Variants in SGCZ observed in about 807,000 individuals in gnomAD.
The protein encoded by SGCZ is zeta-sarcoglycan.
Under a neutral mutation model 41.3 loss-of-function variants are expected in SGCZ, and 40 were observed. That is an observed-to-expected ratio of 0.97 (90% CI 0.75 to 1.26). The LOEUF is 1.26. Ranked by LOEUF, SGCZ falls within the 50% of genes most tolerant of loss-of-function variation. The pLI, the probability that SGCZ is intolerant of heterozygous loss-of-function variation, is 0.00. For missense variants in SGCZ, 552 were observed against 369.8 expected (o/e 1.49, Z -4.04); for synonymous variants, 206 against 137.5 (o/e 1.50, Z -3.49).
intron 1 of SGCZ, among the ~76,000 whole-genome samples, chr8:14,740,208 A>C (rs1179510818): frequency 6.6e-6 from 1 of 152,026 alleles, no homozygotes; most frequent in Non-Finnish European, 1.5e-5. Context: ...ATAAAAGTTT[A>C]TTCCAAATCA....
At chr8:14,891,896 G>T (rs770961451) in intron 1 of SGCZ, among the ~76,000 whole-genome samples, 2 of 152,122 alleles carry the variant, frequency 1.3e-5, no homozygotes, top group African/African-American at 4.8e-5. Context: ...GGCTCAGATG[G>T]TCATTAGCAA....
rs760150015 is a variant in SGCZ, at chr8:14,086,634, A to G, written c.*3809T>C. ...AACAGTCATTTTGAATAAGATCCAA[A>G]TGCATTATTTTCCTTTTTAACGTCA... On this transcript the variant is annotated 3_prime_UTR_variant, in exon 8 of 8. Coordinates refer to ENST00000382080, the MANE Select transcript of SGCZ (RefSeq NM_139167.4). 1.5e-4 allele frequency among the ~76,000 whole-genome samples: 23 copies of G among 151,736 alleles called. No individual in the cohort carries two copies. Among genetic ancestry groups the G allele is most frequent in the Non-Finnish European group, 2.7e-4 (18 of 67,766 alleles).
chr8:14,278,946 C>A (rs370817028), intron 3 of SGCZ, among the ~76,000 whole-genome samples: 62 of 152,210 alleles, frequency 4.1e-4, no homozygotes, highest in African/African-American at 1.5e-3. Context: ...GCCTACAAGG[C>A]CATGTATCTC....
At chr8:14,833,086 A>T (rs1355450912) in intron 1 of SGCZ, among the ~76,000 whole-genome samples, 2 of 152,078 alleles carry the variant, frequency 1.3e-5, no homozygotes, top group African/African-American at 4.8e-5. Flanking sequence ...CTAAAACATG[A>T]ATTATTGGTA....
chr8:14,770,073 T>C (rs78068935), intron 1 of SGCZ, among the ~76,000 whole-genome samples: 1 of 150,752 alleles, frequency 6.6e-6, no homozygotes, highest in Non-Finnish European at 1.5e-5. Context: ...ATGCCCCAAT[T>C]TGTTTTTTCA....
At chr8:14,152,064 T>C (rs7825381) in intron 5 of SGCZ, among the ~76,000 whole-genome samples, 57,502 of 151,868 alleles carry the variant, frequency 0.38, 11,294 homozygotes, top group Middle Eastern at 0.49. Flanking sequence ...ACAATTCATT[T>C]AAAAAAATAG....
chr8:14,384,617 T>C (rs995688159), intron 2 of SGCZ, among the ~76,000 whole-genome samples: 2 of 152,222 alleles, frequency 1.3e-5, no homozygotes, highest in African/African-American at 4.8e-5. Context: ...TGGAGTGCAA[T>C]GGCACCATCT....
chr8:14,160,697 G>T (rs1342154530), intron 5 of SGCZ, among the ~76,000 whole-genome samples: 1 of 152,130 alleles, frequency 6.6e-6, no homozygotes, highest in Admixed American at 6.6e-5. Flanking sequence ...AGATGGTGGT[G>T]TTCAGGTATG....
intron 1 of SGCZ, among the ~76,000 whole-genome samples, chr8:14,565,352 T>G (rs1440571400): frequency 1.3e-5 from 2 of 152,106 alleles, no homozygotes; most frequent in Non-Finnish European, 2.9e-5. Context: ...AGGTTTACAT[T>G]TGGGCTTTTA....
intron 1 of SGCZ, among the ~76,000 whole-genome samples, chr8:14,984,895 T>C (rs1801780300): frequency 6.6e-6 from 1 of 151,552 alleles, no homozygotes; most frequent in Non-Finnish European, 1.5e-5. Context: ...GATTTTGATA[T>C]TCTGGAGTAC....
chr8:15,153,590 G>C (rs1477949742), intron 1 of SGCZ, among the ~76,000 whole-genome samples: 2 of 152,048 alleles, frequency 1.3e-5, no homozygotes, highest in Admixed American at 6.6e-5. Flanking sequence ...TGAAAGGCTT[G>C]GACTATCTCC....
chr8:14,693,562 G>A (rs186309174), intron 1 of SGCZ, among the ~76,000 whole-genome samples: 1 of 145,240 alleles, frequency 6.9e-6, no homozygotes, highest in African/African-American at 2.6e-5. Flanking sequence ...GGGATTACAG[G>A]CGTCAGCTAC....
intron 2 of SGCZ, among the ~76,000 whole-genome samples, chr8:14,550,274 T>C (rs965962961): frequency 1.5e-4 from 23 of 151,488 alleles, no homozygotes; most frequent in Non-Finnish European, 2.9e-4. Context: ...AACAATATAA[T>C]GGTTGAATTG....
intron 1 of SGCZ, among the ~76,000 whole-genome samples, chr8:14,822,097 C>T (rs1013984270): frequency 6.6e-6 from 1 of 151,872 alleles, no homozygotes; most frequent in African/African-American, 2.4e-5. Flanking sequence ...CACACACACA[C>T]ACACACACAC....
intron 1 of SGCZ, among the ~76,000 whole-genome samples, chr8:14,998,470 G>C (rs1173184293): frequency 6.6e-6 from 1 of 152,138 alleles, no homozygotes; most frequent in Non-Finnish European, 1.5e-5. Context: ...AGATAGCCTG[G>C]CATCACTAAT....
chr8:14,552,306 T>C (rs1438512091), intron 2 of SGCZ, among the ~76,000 whole-genome samples: 1 of 152,048 alleles, frequency 6.6e-6, no homozygotes, highest in Non-Finnish European at 1.5e-5. Context: ...ATTCTGAATT[T>C]TTTCTGAACA....
chr8:14,379,943 G>C (rs760320646), intron 2 of SGCZ, among the ~76,000 whole-genome samples: 2 of 152,036 alleles, frequency 1.3e-5, no homozygotes, highest in Non-Finnish European at 2.9e-5. Context: ...TGTTGGCCGG[G>C]CCTGGTCTTG....
chr8:15,119,804 A>C (rs1474333190), intron 1 of SGCZ, among the ~76,000 whole-genome samples: 1 of 151,830 alleles, frequency 6.6e-6, no homozygotes, highest in South Asian at 2.1e-4. Context: ...ACACTTCTCA[A>C]TTCCACTTTT....
At chr8:14,332,792 G>C (rs1485867274) in intron 2 of SGCZ, 1 of 150,526 alleles carries the variant, frequency 6.6e-6, no homozygotes. Flanking sequence ...GTTTGCAATA[G>C]AGTATAGAGT....
Sources: allele counts gnomAD v4.1 joint callset (sites outside exome capture counted in the v4.1 genomes callset), GRCh38; gene constraint gnomAD v4.1.1; transcripts MANE v1.5; gene names NCBI Gene and HGNC (gene_info 2026-07-23, HGNC 2026-07-21).